The following CACNA1C variants were observed in gnomAD, a reference collection of about 807,000 sequenced individuals.
CACNA1C encodes the protein calcium voltage-gated channel subunit alpha1 C, also known as voltage-dependent L-type calcium channel subunit alpha-1C.
CACNA1C carries 30 observed loss-of-function variants against 229.0 expected under a neutral mutation model. That is an observed-to-expected ratio of 0.13 (90% CI 0.10 to 0.18). The LOEUF (loss-of-function observed/expected upper bound fraction) is 0.18. CACNA1C is among the 10% of genes least tolerant of loss of function. The pLI is 1.00. For synonymous variants in CACNA1C, 1,114 were observed against 1,132.5 expected (o/e 0.98, Z 0.33); for missense variants, 1,658 against 2,845.0 (o/e 0.58, Z 9.49).
chr12:2,073,217 TC>T (rs1412421553), intron 1 of CACNA1C, among the ~76,000 whole-genome samples: 11 of 152,182 alleles, frequency 7.2e-5, no homozygotes, highest in African/African-American at 2.2e-4. Context: ...GTCCAACAGA[TC>T]AGCAGCTTTT....
intron 1 of CACNA1C, among the ~76,000 whole-genome samples, chr12:1,985,961 C>A (rs1156229202): frequency 6.6e-6 from 1 of 152,144 alleles, no homozygotes; most frequent in Non-Finnish European, 1.5e-5. Flanking sequence ...CAGGTGCCTG[C>A]CACCACACTT....
At chr12:2,182,630 TC>T (rs2096876408) in intron 3 of CACNA1C, among the ~76,000 whole-genome samples, 1 of 152,174 alleles carries the variant, frequency 6.6e-6, no homozygotes, top group Non-Finnish European at 1.5e-5. Context: ...CTTTCCTTTG[TC>T]TAATTCCTCC....
chr12:2,020,593 A>G (rs1355849144), intron 1 of CACNA1C: 1 of 152,222 alleles, frequency 6.6e-6, no homozygotes, highest in African/African-American at 2.4e-5. Context: ...GATGCTGTAA[A>G]GCTTCCTGGG....
rs2060587068 is a variant in CACNA1C at position 2,581,855 on chromosome 12, G to A, written c.2103+58G>A. On this transcript the variant is annotated intron_variant, in intron 14 of 46. Transcript: ENST00000399655. ...GGGGTGGTTGAGTGGCGGGGTGGTGGGAGGAGTGTGGGAAGCTGCACCCTT... is the reference window on the plus strand; with the variant it reads ...GGGGTGGTTGAGTGGCGGGGTGGTGAGAGGAGTGTGGGAAGCTGCACCCTT... 16 of 1,078,432 alleles carry A rather than the reference G, an allele frequency of 1.5e-5. No homozygotes were observed. The South Asian group carries it at 1.7e-4, about 11-fold the overall frequency. 66.8% of individuals were successfully genotyped at this position (1,078,432 alleles called of 1,614,324 possible). A position where few individuals can be genotyped will look rare whatever the true frequency, so the allele number is the denominator to read the frequency against.
chr12:2,489,554 A>C (rs2099709638), intron 6 of CACNA1C, among the ~76,000 whole-genome samples: 1 of 152,146 alleles, frequency 6.6e-6, no homozygotes, highest in African/African-American at 2.4e-5. Context: ...GAGCCAGGTC[A>C]CTCTGAATAG....
intron 9 of CACNA1C, among the ~76,000 whole-genome samples, chr12:2,541,753 C>A (rs2099871036): frequency 6.6e-6 from 1 of 152,252 alleles, no homozygotes; most frequent in South Asian, 2.1e-4. Flanking sequence ...AGAGGCCAGC[C>A]ACTCCTGCTG....
intron 9 of CACNA1C, among the ~76,000 whole-genome samples, chr12:2,537,314 G>A (rs891331778): frequency 5.3e-5 from 8 of 152,204 alleles, no homozygotes; most frequent in African/African-American, 1.9e-4. Context: ...CTTGCTTGGA[G>A]TAAACGACTG....
chr12:2,541,633 C>T (rs556157801), intron 9 of CACNA1C, among the ~76,000 whole-genome samples: 2 of 152,314 alleles, frequency 1.3e-5, no homozygotes, highest in South Asian at 2.1e-4. Flanking sequence ...CTCTTCCTCC[C>T]GGAGGAGGCA....
chr12:2,505,294 G>A (rs1384923051), intron 8 of CACNA1C, among the ~76,000 whole-genome samples: 1 of 152,160 alleles, frequency 6.6e-6, no homozygotes, highest in Admixed American at 6.5e-5. Context: ...CATAAACAAA[G>A]ACAGACTCAA....
At chr12:2,336,395 C>T (rs1004202172) in intron 3 of CACNA1C, among the ~76,000 whole-genome samples, 7 of 152,082 alleles carry the variant, frequency 4.6e-5, no homozygotes, top group South Asian at 2.1e-4. Flanking sequence ...TTTAAAGAGC[C>T]GTGTTTGACT....
intron 3 of CACNA1C, among the ~76,000 whole-genome samples, chr12:2,173,002 C>G (rs1240431979): frequency 6.6e-6 from 1 of 152,144 alleles, no homozygotes; most frequent in Non-Finnish European, 1.5e-5. Flanking sequence ...AGACAGGAGA[C>G]TGGCGTCTGT....
intron 3 of CACNA1C, among the ~76,000 whole-genome samples, chr12:2,304,961 A>C (rs2094896982): frequency 6.6e-6 from 1 of 151,944 alleles, no homozygotes; most frequent in Non-Finnish European, 1.5e-5. Context: ...ATTCTTCCCT[A>C]GTTGAACACT....
chr12:2,205,743 G>C (rs1050908613), intron 3 of CACNA1C, among the ~76,000 whole-genome samples: 20 of 152,118 alleles, frequency 1.3e-4, no homozygotes, highest in Admixed American at 3.3e-4. Context: ...TACCGCAGTG[G>C]GGGGACTACA....
rs2059826178 is a variant in CACNA1C at position 2,067,527 on chromosome 12, G to T, written c.49+13916G>T. Among the ~76,000 whole-genome samples the T allele has an allele frequency of 6.6e-6, 1 of 151,618 alleles. No homozygotes were observed. The highest frequency in any genetic ancestry group is 1.5e-5 in the Non-Finnish European group (1 of 67,894). On this transcript the variant is annotated intron_variant, in intron 1 of 46. Coordinates refer to ENST00000399655, the MANE Select transcript of CACNA1C (RefSeq NM_000719.7). This position sits in a 1 kb window ranked among gnomAD's most constrained non-coding sequence, Gnocchi z 5.3. ...ATGTAAGGGCAGGCACATGAAGACA[G>T]ACTTTATTGGTTTCACAGTTTGGCC...
intron 3 of CACNA1C, among the ~76,000 whole-genome samples, chr12:2,125,082 G>A (rs780465444): frequency 1.1e-4 from 16 of 152,118 alleles, no homozygotes; most frequent in Non-Finnish European, 2.1e-4. Context: ...TGCAGAGGGT[G>A]GAGGAAGAGG....
chr12:2,376,799 T>C (rs1161417138), intron 3 of CACNA1C, among the ~76,000 whole-genome samples: 1 of 152,048 alleles, frequency 6.6e-6, no homozygotes, highest in Non-Finnish European at 1.5e-5. Flanking sequence ...TAGGCATACA[T>C]TGCTGCACAG....
At chr12:2,272,652 A>G (rs1242230105) in intron 3 of CACNA1C, among the ~76,000 whole-genome samples, 2 of 152,210 alleles carry the variant, frequency 1.3e-5, no homozygotes, top group Non-Finnish European at 2.9e-5. Context: ...ACTCCAAGGC[A>G]GTTGATTTGC....
At chr12:2,476,539 G>A (rs146776059) in intron 5 of CACNA1C, among the ~76,000 whole-genome samples, 3 of 152,296 alleles carry the variant, frequency 2.0e-5, no homozygotes, top group African/African-American at 7.2e-5. Context: ...TACTATTATT[G>A]TTGTTGTTTG....
At chr12:2,686,039 G>A in intron 44 of CACNA1C, 127 bp from the exon 45 acceptor site, 1 of 891,744 alleles carries the variant, frequency 1.1e-6, no homozygotes, top group Admixed American at 1.8e-5. Context: ...TCTCAGACGA[G>A]GGGAGGGGAA....
Sources: allele counts gnomAD v4.1 joint callset (sites outside exome capture counted in the v4.1 genomes callset), GRCh38; gene constraint gnomAD v4.1.1; non-coding constraint Gnocchi (gnomAD v3.1); transcripts MANE v1.5; gene names NCBI Gene and HGNC (gene_info 2026-07-23, HGNC 2026-07-21).